Variants in RHEX observed in about 807,000 individuals in gnomAD.
RHEX encodes regulator of hemoglobinization and erythroid cell expansion, also known as regulator of hemoglobinization and erythroid cell expansion protein.
A neutral mutation model predicts 20.1 loss-of-function variants in RHEX; 18 were observed. The ratio of observed to expected loss-of-function variants is 0.90; its 90% confidence interval spans 0.62 to 1.33. The LOEUF (loss-of-function observed/expected upper bound fraction) is 1.33, where lower values mean the gene tolerates loss of function less well. RHEX is among the 40% of genes most tolerant of loss of function. The pLI, the probability that RHEX is intolerant of heterozygous loss-of-function variation, is 0.00. For synonymous variants in RHEX, 87 were observed against 77.1 expected (o/e 1.13, Z -0.67); for missense variants, 192 against 214.3 (o/e 0.90, Z 0.65).
At chr1:206,086,299 C>T (rs559708691) in intron 1 of RHEX, among the ~76,000 whole-genome samples, 1 of 152,300 alleles carries the variant, frequency 6.6e-6, no homozygotes. Context: ...GTCCAAGGAT[C>T]ATCCTCTGGT....
At chr1:206,054,037 G>A (rs1046313771) in intron 1 of RHEX, among the ~76,000 whole-genome samples, 1 of 151,776 alleles carries the variant, frequency 6.6e-6, no homozygotes. Context: ...ATGTATTATG[G>A]TAACTTCTAA....
Position 206,067,365 on chromosome 1 carries a change from C to T in RHEX, c.-97+14100C>T, listed in dbSNP as rs1344736158. 6.6e-6 allele frequency among the ~76,000 whole-genome samples: 1 copy of T among 152,180 alleles called. No homozygotes were observed. The highest frequency in any genetic ancestry group is 2.4e-5 in the African/African-American group (1 of 41,442). ...TTTAGTGGCAATGTAGATAGTTCTTCCTAGCTCTGAGCTCAAAGTTTCCCA... is the reference window on the plus strand; with the variant it reads ...TTTAGTGGCAATGTAGATAGTTCTTTCTAGCTCTGAGCTCAAAGTTTCCCA... On this transcript the variant is annotated intron_variant, in intron 1 of 5. Coordinates refer to ENST00000331555, the MANE Select transcript of RHEX (RefSeq NM_001007544.4). This position sits in a 1 kb window ranked among gnomAD's most constrained non-coding sequence, Gnocchi z 4.6.
chr1:206,054,726 C>T (rs1375232377), intron 1 of RHEX, among the ~76,000 whole-genome samples: 1 of 152,228 alleles, frequency 6.6e-6, no homozygotes, highest in Non-Finnish European at 1.5e-5. Context: ...AATATGTCTA[C>T]AAGGTTTTAT....
intron 1 of RHEX, among the ~76,000 whole-genome samples, chr1:206,087,103 A>G (rs1040797785): frequency 9.2e-5 from 14 of 152,370 alleles, no homozygotes; most frequent in Non-Finnish European, 1.5e-4. Flanking sequence ...TAGGAAGGCC[A>G]TAGCTGATGT....
intron 1 of RHEX, among the ~76,000 whole-genome samples, chr1:206,074,159 C>G (rs1553284958): frequency 6.6e-6 from 1 of 152,244 alleles, no homozygotes; most frequent in African/African-American, 2.4e-5. Context: ...GGGACCTTCT[C>G]TGACCAAAGA....
At chr1:206,055,438 C>T (rs886193057) in intron 1 of RHEX, among the ~76,000 whole-genome samples, 40 of 152,174 alleles carry the variant, frequency 2.6e-4, no homozygotes, top group Non-Finnish European at 1.0e-4. Context: ...GCCTATTTGG[C>T]TATCCCTTTC....
chr1:206,056,571 C>T (rs1553282641), intron 1 of RHEX: 6 of 152,228 alleles, frequency 3.9e-5, no homozygotes, highest in Non-Finnish European at 1.5e-5. Flanking sequence ...AGGTATGTAG[C>T]CCAGGAAATA....
At chr1:206,058,762 T>C (rs1662248753) in intron 1 of RHEX, among the ~76,000 whole-genome samples, 1 of 152,138 alleles carries the variant, frequency 6.6e-6, no homozygotes, top group Non-Finnish European at 1.5e-5. Context: ...GTGAAATCTT[T>C]AGTATTGTGA....
chr1:206,101,473 A>G (rs1663185350), intron 5 of RHEX, among the ~76,000 whole-genome samples: 1 of 152,156 alleles, frequency 6.6e-6, no homozygotes, highest in Non-Finnish European at 1.5e-5. Context: ...GTTGGGCTCA[A>G]GTCTGCTCTG....
chr1:206,089,514 G>GT (rs1385382615), intron 1 of RHEX, among the ~76,000 whole-genome samples: 1 of 151,960 alleles, frequency 6.6e-6, no homozygotes, highest in Non-Finnish European at 1.5e-5. Context: ...TTCAGTTTTT[G>GT]TTTTTTTCTT....
chr1:206,102,094 C>T lies in RHEX; in HGVS notation c.*142C>T, dbSNP rs1663205187. ...GCCAAAAAGAATGTGGAGAAGAAAACTGATAAATACACAGAGGTCCTCAAG... is the reference window on the plus strand; with the variant it reads ...GCCAAAAAGAATGTGGAGAAGAAAATTGATAAATACACAGAGGTCCTCAAG... On this transcript the variant is annotated 3_prime_UTR_variant, in exon 6 of 6. Coordinates refer to ENST00000331555, the MANE Select transcript of RHEX (RefSeq NM_001007544.4). 8.3e-6 allele frequency: 6 copies of T among 718,708 alleles called. No individual in the cohort carries two copies. The highest frequency in any genetic ancestry group is 2.7e-4 in the Middle Eastern group (1 of 3,734). 44.5% of individuals were successfully genotyped at this position (718,708 alleles called of 1,614,324 possible). A position where few individuals can be genotyped will look rare whatever the true frequency, so the allele number is the denominator to read the frequency against.
intron 1 of RHEX, among the ~76,000 whole-genome samples, chr1:206,072,047 T>C (rs868939540): frequency 6.6e-6 from 1 of 152,140 alleles, no homozygotes; most frequent in Non-Finnish European, 1.5e-5. Context: ...TCAGGTACCA[T>C]TTAGCAACAG....
intron 1 of RHEX, among the ~76,000 whole-genome samples, chr1:206,094,741 G>A (rs1411566845): frequency 6.6e-6 from 1 of 152,032 alleles, no homozygotes; most frequent in Non-Finnish European, 1.5e-5. Context: ...AGGGAGACAG[G>A]GTCTTACTCT....
Position 206,096,781 on chromosome 1 carries a change from G to GTTTTTTTTTTTTT in RHEX, c.-96-941_-96-940insTTTTTTTTTTTTT, listed in dbSNP as rs1212622253. On this transcript the variant is annotated intron_variant, in intron 1 of 5. Coordinates refer to ENST00000331555, the MANE Select transcript of RHEX (RefSeq NM_001007544.4). ...AAGTCCCCTGTTTTTTTTTTTTTTG[G>GTTTTTTTTTTTTT]TTTTTTTTTTTGAGACAGGGTCTTG... Among the ~76,000 whole-genome samples, 4 of 132,926 alleles carry GTTTTTTTTTTTTT rather than the reference G, an allele frequency of 3.0e-5. 1 individual carries two copies. The highest frequency in any genetic ancestry group is 4.7e-5 in the Non-Finnish European group (3 of 63,536). 87.2% of individuals were successfully genotyped at this position (132,926 alleles called of 152,430 possible).
At chr1:206,079,637 C>A (rs1469871860) in intron 1 of RHEX, among the ~76,000 whole-genome samples, 1 of 152,086 alleles carries the variant, frequency 6.6e-6, no homozygotes, top group Non-Finnish European at 1.5e-5. Flanking sequence ...CTCACTGCAA[C>A]CTCTGCCTGC....
intron 1 of RHEX, among the ~76,000 whole-genome samples, chr1:206,074,672 T>TA (rs1310537253): frequency 6.6e-6 from 1 of 152,164 alleles, no homozygotes; most frequent in Non-Finnish European, 1.5e-5. Flanking sequence ...TTTATATTAT[T>TA]ACAGGTTCGG....
chr1:206,094,815 A>G (rs1663033755), intron 1 of RHEX, among the ~76,000 whole-genome samples: 1 of 152,192 alleles, frequency 6.6e-6, no homozygotes, highest in African/African-American at 2.4e-5. Flanking sequence ...CCCAAAGTGT[A>G]CGCTCTGAGT....
intron 1 of RHEX, among the ~76,000 whole-genome samples, chr1:206,053,493 C>T (rs1445155640): frequency 1.3e-5 from 2 of 152,086 alleles, no homozygotes; most frequent in Non-Finnish European, 1.5e-5. Context: ...CCCTTTTTAC[C>T]TGTTTTTTTG....
At chr1:206,054,468 G>A (rs1553282301) in intron 1 of RHEX, among the ~76,000 whole-genome samples, 1 of 152,224 alleles carries the variant, frequency 6.6e-6, no homozygotes, top group African/African-American at 2.4e-5. Flanking sequence ...ACATTAAAAG[G>A]TTAAAAACAA....
Sources: allele counts gnomAD v4.1 joint callset (sites outside exome capture counted in the v4.1 genomes callset), GRCh38; gene constraint gnomAD v4.1.1; non-coding constraint Gnocchi (gnomAD v3.1); transcripts MANE v1.5; gene names NCBI Gene and HGNC (gene_info 2026-07-23, HGNC 2026-07-21).